Variants in CNTNAP2 observed in about 807,000 individuals in gnomAD.
CNTNAP2 encodes contactin-associated protein-like 2.
In CNTNAP2, 98 loss-of-function variants were observed where a neutral mutation model predicts 155.2. The ratio of observed to expected loss-of-function variants is 0.63; its 90% confidence interval spans 0.54 to 0.75. CNTNAP2 has a LOEUF of 0.75. Ranked by LOEUF, CNTNAP2 falls within the 30% of genes least tolerant of loss-of-function variation. The probability of loss-of-function intolerance (pLI) is 0.00; values close to 1 mark genes in which losing one functional copy is unlikely to be tolerated. For synonymous variants in CNTNAP2, 651 were observed against 631.2 expected (o/e 1.03, Z -0.47); for missense variants, 1,727 against 1,688.1 (o/e 1.02, Z -0.40).
At chr7:146,713,667 A>G (rs572489160) in intron 1 of CNTNAP2, among the ~76,000 whole-genome samples, 23 of 152,270 alleles carry the variant, frequency 1.5e-4, no homozygotes, top group African/African-American at 5.5e-4. Context: ...ATGTGATTCC[A>G]GACAGTATAT....
At chr7:147,901,171 T>C (rs1013204682) in intron 13 of CNTNAP2, among the ~76,000 whole-genome samples, 2 of 152,170 alleles carry the variant, frequency 1.3e-5, no homozygotes, top group Non-Finnish European at 2.9e-5. Context: ...TCTCTTCTCC[T>C]CCATTTCTAC....
intron 1 of CNTNAP2, among the ~76,000 whole-genome samples, chr7:146,323,324 G>A (rs1196837105): frequency 6.6e-6 from 1 of 151,632 alleles, no homozygotes; most frequent in Admixed American, 6.6e-5. Context: ...AATTGATAGG[G>A]AATAAAAGAA....
chr7:146,954,584 G>A (rs552817777), intron 3 of CNTNAP2, among the ~76,000 whole-genome samples: 2 of 151,942 alleles, frequency 1.3e-5, no homozygotes, highest in African/African-American at 4.8e-5. Context: ...GATGGATCTG[G>A]TGGACTTTTA....
intron 1 of CNTNAP2, among the ~76,000 whole-genome samples, chr7:146,179,470 T>G (rs1043678468): frequency 6.6e-6 from 1 of 152,150 alleles, no homozygotes; most frequent in Non-Finnish European, 1.5e-5. Context: ...CCAAACTAAT[T>G]GATATGCCTG....
intron 14 of CNTNAP2, among the ~76,000 whole-genome samples, chr7:147,949,744 G>A (rs1800893172): frequency 6.6e-6 from 1 of 152,132 alleles, no homozygotes. Context: ...GGGTCTCCTT[G>A]AAGGTTGACC....
chr7:146,947,411 T>TCC (rs1491346375), intron 3 of CNTNAP2, among the ~76,000 whole-genome samples: 1 of 96,452 alleles, frequency 1.0e-5, no homozygotes, highest in Admixed American at 1.1e-4. Flanking sequence ...TCTCTCTCTC[T>TCC]ATATATATAT....
chr7:147,898,517 C>G (rs529063460), intron 13 of CNTNAP2, among the ~76,000 whole-genome samples: 17 of 147,644 alleles, frequency 1.2e-4, no homozygotes, highest in African/African-American at 4.2e-4. Flanking sequence ...AACCCATATA[C>G]CCAGATTTTT....
At chr7:146,184,378 A>T (rs1217873207) in intron 1 of CNTNAP2, among the ~76,000 whole-genome samples, 1 of 152,288 alleles carries the variant, frequency 6.6e-6, no homozygotes, top group East Asian at 1.9e-4. Flanking sequence ...AACATAATTG[A>T]CACTAAATAG....
At chr7:148,024,187 A>T (rs1802336748) in intron 15 of CNTNAP2, among the ~76,000 whole-genome samples, 1 of 150,066 alleles carries the variant, frequency 6.7e-6, no homozygotes, top group South Asian at 2.1e-4. Context: ...AAACTTTATA[A>T]CATCCTGAGA....
chr7:147,906,212 G>A (rs1367265919), intron 14 of CNTNAP2, among the ~76,000 whole-genome samples: 1 of 151,720 alleles, frequency 6.6e-6, no homozygotes, highest in African/African-American at 2.4e-5. Flanking sequence ...TTTTTTTTGA[G>A]ATGGGGTCTC....
At chr7:146,762,142 C>G (rs908085658) in intron 1 of CNTNAP2, among the ~76,000 whole-genome samples, 11 of 152,124 alleles carry the variant, frequency 7.2e-5, no homozygotes, top group African/African-American at 2.7e-4. Flanking sequence ...AGAATTAAAA[C>G]CTGTTGTGAG....
At chr7:147,958,962 C>T (rs1430743018) in intron 14 of CNTNAP2, among the ~76,000 whole-genome samples, 2 of 152,114 alleles carry the variant, frequency 1.3e-5, no homozygotes, top group East Asian at 1.9e-4. Context: ...GTCAGTGCAA[C>T]ACATCTAAGG....
At chr7:146,205,566 A>G (rs1798932968) in intron 1 of CNTNAP2, among the ~76,000 whole-genome samples, 1 of 151,874 alleles carries the variant, frequency 6.6e-6, no homozygotes, top group South Asian at 2.1e-4. Flanking sequence ...GAAAAATAAT[A>G]TGAAAAATTA....
chr7:147,208,945 A>G (rs893026904), intron 8 of CNTNAP2, among the ~76,000 whole-genome samples: 1 of 151,968 alleles, frequency 6.6e-6, no homozygotes, highest in East Asian at 1.9e-4. Context: ...GCATAGTGCT[A>G]TACAAAAAAT....
At chr7:146,828,484 C>T (rs1471496943) in intron 2 of CNTNAP2, among the ~76,000 whole-genome samples, 1 of 151,990 alleles carries the variant, frequency 6.6e-6, no homozygotes. Context: ...ATTTGAATAT[C>T]TCCAGTAGTG....
intron 13 of CNTNAP2, among the ~76,000 whole-genome samples, chr7:147,740,501 G>C (rs1167970644): frequency 6.6e-6 from 1 of 152,154 alleles, no homozygotes; most frequent in African/African-American, 2.4e-5. Flanking sequence ...AAAATTGTCA[G>C]ATGTAACAAA....
intron 13 of CNTNAP2, among the ~76,000 whole-genome samples, chr7:147,775,342 T>C (rs1797560681): frequency 4.2e-5 from 2 of 47,148 alleles, no homozygotes; most frequent in Non-Finnish European, 6.7e-5. Flanking sequence ...TTTATAAATA[T>C]ATATATTTAT....
At chr7:146,428,657 T>A (rs1369327605) in intron 1 of CNTNAP2, among the ~76,000 whole-genome samples, 2 of 152,086 alleles carry the variant, frequency 1.3e-5, no homozygotes, top group African/African-American at 4.8e-5. Context: ...TAGACCTTTG[T>A]CAGATGGATA....
chr7:146,914,372 C>A (rs1796351961), intron 3 of CNTNAP2, among the ~76,000 whole-genome samples: 1 of 152,108 alleles, frequency 6.6e-6, no homozygotes, highest in Non-Finnish European at 1.5e-5. Flanking sequence ...AATCTCCACA[C>A]TGTTTTTCAC....
Sources: allele counts gnomAD v4.1 joint callset (sites outside exome capture counted in the v4.1 genomes callset), GRCh38; gene constraint gnomAD v4.1.1; transcripts MANE v1.5; gene names NCBI Gene and HGNC (gene_info 2026-07-23, HGNC 2026-07-21).